TFPI: variants seen among roughly 807,000 people sequenced by gnomAD.
TFPI encodes anti-convertin.
A neutral mutation model predicts 34.6 loss-of-function variants in TFPI; 15 were observed. The ratio of observed to expected loss-of-function variants is 0.43; its 90% CI spans 0.29 to 0.67. The LOEUF (loss-of-function observed/expected upper bound fraction) is 0.67, where lower values mean the gene tolerates loss of function less well. Among genes scored for constraint, TFPI ranks in the 30% least tolerant of loss-of-function variants. The probability of loss-of-function intolerance (pLI) is 0.15; values close to 1 mark genes in which losing one functional copy is unlikely to be tolerated. For missense variants in TFPI, 301 were observed against 364.0 expected (o/e 0.83, Z 1.41); for synonymous variants, 105 against 120.1 (o/e 0.87, Z 0.82).
At chr2:187,547,101 A>G (rs984300477) in intron 1 of TFPI, 1 of 143,032 alleles carries the variant, frequency 7.0e-6, no homozygotes, top group African/African-American at 2.5e-5. Context: ...AGACTTCTCA[A>G]CTTTCTGCTT....
At chr2:187,485,563 T>C (rs1693201681) in intron 4 of TFPI, among the ~76,000 whole-genome samples, 1 of 151,786 alleles carries the variant, frequency 6.6e-6, no homozygotes, top group Non-Finnish European at 1.5e-5. Context: ...GTGTCATTTT[T>C]ATTTTTTCCT....
chr2:187,488,174 A>G (rs1464377106), intron 4 of TFPI, among the ~76,000 whole-genome samples, 163 bp downstream of exon 4: 1 of 151,372 alleles, frequency 6.6e-6, no homozygotes, highest in Non-Finnish European at 1.5e-5. Flanking sequence ...TTTATGATCA[A>G]TCTCTTTTAT....
At chr2:187,488,276 A>C (rs924345630) in intron 4 of TFPI, 61 bp downstream of exon 4, 1 of 1,414,942 alleles carries the variant, frequency 7.1e-7, no homozygotes, top group Middle Eastern at 1.8e-4. Flanking sequence ...AACAAACAAA[A>C]AATTGAATAT....
At position 187,492,636 on chromosome 2, in the gene TFPI, A is replaced by G. The variant is rs923866273; in HGVS notation, c.319+4245T>C. ...CATCAGCGTGACCTGGATATGAGAC[A>G]TGGAGTCAAAGGAGATCATTTTGGA... On this transcript the variant is annotated intron_variant, in intron 3 of 7. Coordinates refer to ENST00000233156, the MANE Select transcript of TFPI (RefSeq NM_006287.6). 1.2e-4 allele frequency among the ~76,000 whole-genome samples: 19 copies of G among 152,184 alleles called. 1 individual carries two copies. The highest frequency in any genetic ancestry group is 1.2e-3 in the Admixed American group (18 of 15,266).
At chr2:187,522,664 A>AGGAGAT (rs1687447653) in intron 1 of TFPI, among the ~76,000 whole-genome samples, 1 of 150,282 alleles carries the variant, frequency 6.7e-6, no homozygotes, top group Non-Finnish European at 1.5e-5. Flanking sequence ...TGGGTGGATC[A>AGGAGAT]CGAGGTCAGG....
At chr2:187,490,857 A>G (rs868493325) in intron 3 of TFPI, among the ~76,000 whole-genome samples, 51 of 151,344 alleles carry the variant, frequency 3.4e-4, no homozygotes, top group Middle Eastern at 3.4e-3. Context: ...TAATAATTTC[A>G]TCTTCATTAT....
At chr2:187,529,625 C>T (rs1014505768) in intron 1 of TFPI, 1 of 152,152 alleles carries the variant, frequency 6.6e-6, no homozygotes, top group Admixed American at 6.5e-5. Context: ...CAAATGCAGT[C>T]ACATTGGGGG....
Position 187,467,874 on chromosome 2 carries a change from A to G in TFPI, c.687T>C (p.Asn229=). 3 of 1,612,208 alleles carry G rather than the reference A, an allele frequency of 1.9e-6. No homozygotes were observed. Among genetic ancestry groups the G allele is most frequent in the South Asian group, 2.2e-5 (2 of 90,850 alleles). The change falls in exon 7 of 8, where the codon AAT becomes AAC. Residue 229 remains asparagine, a synonymous_variant. Coordinates refer to ENST00000233156, the MANE Select transcript of TFPI (RefSeq NM_006287.6). The stretch of plus-strand genomic sequence containing the variant: ...CTGAATTGTAGTAGAATCTGTTCTC[A>G]TTGGCACGACACAATCCTCTGTCTG... ...TPADRGLCRA[N]ENRFYYNSVI... is the part of the protein sequence containing the mutation.
intron 3 of TFPI, among the ~76,000 whole-genome samples, chr2:187,493,299 T>C (rs911332240): frequency 9.7e-4 from 147 of 152,230 alleles, no homozygotes; most frequent in Non-Finnish European, 1.5e-3. Context: ...CGTTGACCCC[T>C]TTCAATCATG....
At chr2:187,484,721 CA>C (rs1196751956) in intron 5 of TFPI, 89 bp downstream of exon 5, 3 of 1,241,078 alleles carry the variant, frequency 2.4e-6, no homozygotes, top group Non-Finnish European at 3.3e-6. Flanking sequence ...ATGGCTCAAA[CA>C]AAACCTGAGT....
chr2:187,530,278 G>T (rs1350797438), intron 1 of TFPI, among the ~76,000 whole-genome samples: 2 of 152,190 alleles, frequency 1.3e-5, no homozygotes, highest in Non-Finnish European at 2.9e-5. Flanking sequence ...GACTAACTAT[G>T]AAAGTACCCA....
intron 1 of TFPI, among the ~76,000 whole-genome samples, chr2:187,508,906 C>T (rs1259662917): frequency 1.3e-5 from 2 of 152,064 alleles, no homozygotes; most frequent in Non-Finnish European, 2.9e-5. Flanking sequence ...AGGTTTTGCC[C>T]ATTCCATATG....
chr2:187,488,236 G>T, intron 4 of TFPI, 101 bp downstream of exon 4: 1 of 888,886 alleles, frequency 1.1e-6, no homozygotes, highest in South Asian at 1.7e-5. Flanking sequence ...TATCTATACT[G>T]AATCAGGGAC....
chr2:187,488,785 G>T (rs1559111672), intron 3 of TFPI, among the ~76,000 whole-genome samples: 1 of 151,410 alleles, frequency 6.6e-6, no homozygotes, highest in Non-Finnish European at 1.5e-5. Flanking sequence ...AAATTAACCA[G>T]AATTATTTCC....
chr2:187,480,152 T>A (rs917224936), intron 6 of TFPI, among the ~76,000 whole-genome samples: 3 of 152,064 alleles, frequency 2.0e-5, no homozygotes, highest in Non-Finnish European at 4.4e-5. Context: ...AGTCATGATT[T>A]TGAGACTGTA....
intron 1 of TFPI, among the ~76,000 whole-genome samples, chr2:187,543,007 A>C (rs775558723): frequency 3.3e-5 from 5 of 152,166 alleles, no homozygotes; most frequent in African/African-American, 4.8e-5. Context: ...GATTTTGTTA[A>C]CTGGACAGAG....
At chr2:187,547,168 G>A (rs1159411071) in intron 1 of TFPI, 1 of 152,080 alleles carries the variant, frequency 6.6e-6, no homozygotes, top group Non-Finnish European at 1.5e-5. Context: ...ACCCAGGTAT[G>A]GGAATTTCTC....
chr2:187,468,624 T>C (rs982992537), intron 6 of TFPI, among the ~76,000 whole-genome samples: 1 of 152,100 alleles, frequency 6.6e-6, no homozygotes, highest in Non-Finnish European at 1.5e-5. Context: ...GATAAGCTGG[T>C]TTGTCAATGG....
At chr2:187,532,804 G>T (rs1285813744) in intron 1 of TFPI, among the ~76,000 whole-genome samples, 1 of 152,110 alleles carries the variant, frequency 6.6e-6, no homozygotes, top group Non-Finnish European at 1.5e-5. Flanking sequence ...CAGCCCCATG[G>T]AGCCCAGCAA....
Sources: allele counts gnomAD v4.1 joint callset (sites outside exome capture counted in the v4.1 genomes callset), GRCh38; gene constraint gnomAD v4.1.1; transcripts MANE v1.5; gene names NCBI Gene and HGNC (gene_info 2026-07-23, HGNC 2026-07-21).